Variants in NCEH1 observed in about 807,000 individuals in gnomAD.
The protein encoded by NCEH1 is neutral cholesterol ester hydrolase 1, also known as 2-acetyl MAGE hydrolase.
NCEH1 carries 9 observed loss-of-function variants against 25.4 expected under a neutral mutation model. That is an observed-to-expected ratio of 0.35 (90% CI 0.21 to 0.62). The LOEUF (loss-of-function observed/expected upper bound fraction) is 0.62. Ranked by LOEUF, NCEH1 falls within the 20% of genes least tolerant of loss-of-function variation. NCEH1 has a pLI of 0.72. For missense variants in NCEH1, 412 were observed against 501.1 expected, an observed-to-expected ratio of 0.82 and a Z score of 1.70; for synonymous variants, 200 against 199.8, an observed-to-expected ratio of 1.00 and a Z score of -0.01.
intron 1 of NCEH1, among the ~76,000 whole-genome samples, chr3:172,671,919 T>G (rs1310686718): frequency 2.0e-5 from 3 of 152,212 alleles, no homozygotes; most frequent in East Asian, 1.9e-4. Flanking sequence ...GTGCAATTAC[T>G]TAATTTTTAA....
At chr3:172,639,769 T>C (rs1355870141) in intron 3 of NCEH1, among the ~76,000 whole-genome samples, 2 of 152,166 alleles carry the variant, frequency 1.3e-5, no homozygotes, top group Non-Finnish European at 2.9e-5. Context: ...CAAAATTTGG[T>C]GTAAATTCAG....
chr3:172,669,540 C>T (rs1326262442), intron 1 of NCEH1, among the ~76,000 whole-genome samples: 4 of 152,040 alleles, frequency 2.6e-5, no homozygotes, highest in Non-Finnish European at 5.9e-5. Flanking sequence ...GAATAATAGC[C>T]ATTTTAGTGG....
chr3:172,706,569 G>A (rs986951865), intron 1 of NCEH1, among the ~76,000 whole-genome samples: 21 of 149,308 alleles, frequency 1.4e-4, no homozygotes, highest in African/African-American at 5.2e-4. Context: ...CACCATCTCG[G>A]CTCACTGAAA....
chr3:172,705,954 C>T (rs991656846), intron 1 of NCEH1, among the ~76,000 whole-genome samples: 8 of 149,652 alleles, frequency 5.3e-5, no homozygotes, highest in Non-Finnish European at 8.9e-5. Context: ...GCTGAGATCA[C>T]GCCACTGCAC....
chr3:172,692,524 A>ATT (rs34654558), intron 1 of NCEH1, among the ~76,000 whole-genome samples: 49,474 of 148,210 alleles, frequency 0.33, 8,436 homozygotes, highest in African/African-American at 0.38. Context: ...CACCTGGCTA[A>ATT]TTTTTTTTTT....
At chr3:172,691,433 A>G (rs1463665736) in intron 1 of NCEH1, among the ~76,000 whole-genome samples, 1 of 8,616 alleles carries the variant, frequency 1.2e-4, no homozygotes, top group Non-Finnish European at 1.8e-4. Flanking sequence ...ATAATTGTGA[A>G]TATGAGTGAC....
Position 172,648,021 on chromosome 3 carries a change from CAGA to C in NCEH1, c.229_231del (p.Ser77del). 1 of 1,614,192 alleles carries C rather than the reference CAGA, an allele frequency of 6.2e-7. No individual in the cohort carries two copies. The highest frequency in any genetic ancestry group is 8.5e-7 in the Non-Finnish European group (1 of 1,180,036). ...TCTGTGTCGGTCACCTTCACTTGGGCAGAAGACCACGCGCTTTTTTTGCCAAAA... is the reference window on the plus strand; with the variant it reads ...TCTGTGTCGGTCACCTTCACTTGGGCAGACCACGCGCTTTTTTTGCCAAAA... On this transcript the variant is annotated inframe_deletion, in exon 2 of 5. Transcript: ENST00000475381.
intron 3 of NCEH1, among the ~76,000 whole-genome samples, chr3:172,636,968 T>C (rs1230989733): frequency 1.3e-5 from 2 of 152,200 alleles, no homozygotes; most frequent in Non-Finnish European, 2.9e-5. Flanking sequence ...TTTGGCCTCC[T>C]CTGGGCAGCC....
At chr3:172,658,288 G>A (rs754928096) in intron 1 of NCEH1, among the ~76,000 whole-genome samples, 4 of 152,144 alleles carry the variant, frequency 2.6e-5, no homozygotes, top group African/African-American at 9.7e-5. Flanking sequence ...CTTGTTTAGC[G>A]CATAAGAAAT....
At chr3:172,710,788 T>TC in intron 1 of NCEH1, 59 bp downstream of exon 1, 1 of 1,582,516 alleles carries the variant, frequency 6.3e-7, no homozygotes, top group Non-Finnish European at 8.6e-7. Flanking sequence ...GAATTTTGTA[T>TC]CCCCTTCAAA....
At chr3:172,707,737 C>T (rs1467959773) in intron 1 of NCEH1, among the ~76,000 whole-genome samples, 1 of 152,190 alleles carries the variant, frequency 6.6e-6, no homozygotes, top group African/African-American at 2.4e-5. Context: ...AGGAGCCTGC[C>T]ACCACGCCCA....
intron 1 of NCEH1, among the ~76,000 whole-genome samples, chr3:172,693,211 T>C (rs1164207568): frequency 6.6e-6 from 1 of 152,220 alleles, no homozygotes; most frequent in African/African-American, 2.4e-5. Flanking sequence ...GCTGAAAATA[T>C]GCTGGCGCTT....
Position 172,630,681 on chromosome 3 carries a change from A to G in NCEH1, c.*2794T>C, listed in dbSNP as rs1247307822. The G allele has an allele frequency of 2.0e-5, 3 of 152,252 alleles. No individual in the cohort carries two copies. Among genetic ancestry groups the G allele is most frequent in the African/African-American group, 7.2e-5 (3 of 41,470 alleles). 9.4% of individuals were successfully genotyped at this position (152,252 alleles called of 1,614,324 possible). A position where few individuals can be genotyped will look rare whatever the true frequency, so the allele number is the denominator to read the frequency against. ...TCCCAGATGGAGCAATTTTATTTCC[A>G]AACATGATTCAGAATAGATAGATGC... On this transcript the variant is annotated 3_prime_UTR_variant, in exon 5 of 5. Transcript: ENST00000475381.
chr3:172,687,036 C>T (rs1712737546), intron 1 of NCEH1, among the ~76,000 whole-genome samples: 2 of 152,170 alleles, frequency 1.3e-5, no homozygotes, highest in South Asian at 4.1e-4. Context: ...AACAACTGTA[C>T]AGTTAACGGA....
intron 1 of NCEH1, among the ~76,000 whole-genome samples, chr3:172,684,387 C>T (rs1203943462): frequency 6.6e-6 from 1 of 152,040 alleles, no homozygotes; most frequent in East Asian, 1.9e-4. Context: ...TTAGCAAATA[C>T]CCAAGAAGAA....
intron 1 of NCEH1, among the ~76,000 whole-genome samples, chr3:172,698,214 T>C (rs1248998121): frequency 6.6e-6 from 1 of 152,056 alleles, no homozygotes; most frequent in African/African-American, 2.4e-5. Context: ...TGATCTCAGG[T>C]GATATGCCTG....
At chr3:172,651,919 T>C (rs1717422299) in intron 1 of NCEH1, among the ~76,000 whole-genome samples, 1 of 152,096 alleles carries the variant, frequency 6.6e-6, no homozygotes, top group South Asian at 2.1e-4. Context: ...AGAAGTCTCC[T>C]AGAATAGAAA....
At chr3:172,668,614 C>T (rs553738823) in intron 1 of NCEH1, among the ~76,000 whole-genome samples, 27 of 151,990 alleles carry the variant, frequency 1.8e-4, no homozygotes, top group African/African-American at 5.8e-4. Flanking sequence ...CATCAGCAAC[C>T]GTGAGGAAAA....
chr3:172,703,361 C>T (rs1713803399), intron 1 of NCEH1: 1 of 151,420 alleles, frequency 6.6e-6, no homozygotes, highest in African/African-American at 2.4e-5. Flanking sequence ...CCCATCCCTA[C>T]AAAAATACAA....
Sources: allele counts gnomAD v4.1 joint callset (sites outside exome capture counted in the v4.1 genomes callset), GRCh38; gene constraint gnomAD v4.1.1; transcripts MANE v1.5; gene names NCBI Gene and HGNC (gene_info 2026-07-23, HGNC 2026-07-21).